The following SETX variants were observed in gnomAD, a reference collection of about 807,000 sequenced individuals.
The protein encoded by SETX is senataxin.
Under a neutral mutation model 227.2 loss-of-function variants are expected in SETX, and 90 were observed. That is an observed-to-expected ratio of 0.40 (90% CI 0.33 to 0.47). The LOEUF (loss-of-function observed/expected upper bound fraction) is 0.47, where lower values mean the gene tolerates loss of function less well. Ranked by LOEUF, SETX falls within the 20% of genes least tolerant of loss-of-function variation. The pLI, the probability that SETX is intolerant of heterozygous loss-of-function variation, is 0.91. For missense variants in SETX, 3,052 were observed against 3,181.5 expected, an observed-to-expected ratio of 0.96 and a Z score of 0.98; for synonymous variants, 1,210 against 1,113.2, an observed-to-expected ratio of 1.09 and a Z score of -1.73.
chr9:132,330,931 C>A, intron 9 of SETX, 121 bp downstream of exon 9: 1 of 789,880 alleles, frequency 1.3e-6, no homozygotes, highest in Non-Finnish European at 2.2e-6. Flanking sequence ...AGGGCTTTTA[C>A]ATAGCAGTAG....
At position 132,336,153 on chromosome 9, in the gene SETX, G is replaced by A. The variant is rs536091240; in HGVS notation, c.718+143C>T. ...AGCTACTCGGGAGGCTAAGGCAGGA[G>A]AATTGCTTGAACCTGGGAGGTGGAG... On this transcript the variant is annotated intron_variant, in intron 6 of 25. Coordinates refer to ENST00000224140, the MANE Select transcript of SETX (RefSeq NM_015046.7). 568 of 702,648 alleles carry A rather than the reference G, an allele frequency of 8.1e-4. 3 individuals are homozygous for A. The African/African-American group carries it at 8.9e-3, about 11-fold the overall frequency. 43.5% of individuals were successfully genotyped at this position (702,648 alleles called of 1,614,324 possible). A position where few individuals can be genotyped will look rare whatever the true frequency, so the allele number is the denominator to read the frequency against.
chr9:132,315,482 C>T (rs933217916), intron 10 of SETX, among the ~76,000 whole-genome samples: 4 of 152,188 alleles, frequency 2.6e-5, no homozygotes, highest in African/African-American at 9.7e-5. Flanking sequence ...GCATCAATTT[C>T]TTCCTGCCCA....
intron 12 of SETX, among the ~76,000 whole-genome samples, chr9:132,298,625 A>C (rs1404124965): frequency 3.9e-5 from 6 of 152,178 alleles, no homozygotes; most frequent in African/African-American, 7.2e-5. Flanking sequence ...CTTCCTGATG[A>C]AATATTTGAG....
chr9:132,264,418 G>C lies in SETX; in HGVS notation c.7855C>G (p.Gln2619Glu). ...TCTTCCGGGTCATCACATTTGCTCTGACACGTGGAAGCCTCGGGACTGGCA... is the reference window on the plus strand; with the variant it reads ...TCTTCCGGGTCATCACATTTGCTCTCACACGTGGAAGCCTCGGGACTGGCA... ...PAASPEASTCQSKCDDPEEEL... is the reference protein window; with the variant it reads ...PAASPEASTCESKCDDPEEEL... The change falls in exon 26 of 26, where the codon CAG becomes GAG. Residue 2619 changes from glutamine (Q) to glutamate (E), a missense_variant. By Grantham distance (29) the Gln-to-Glu change is conservative. Coordinates refer to ENST00000224140, the MANE Select transcript of SETX (RefSeq NM_015046.7). 1 of 1,614,050 alleles carries C rather than the reference G, an allele frequency of 6.2e-7. No homozygotes were observed. Among genetic ancestry groups the C allele is most frequent in the Non-Finnish European group, 8.5e-7 (1 of 1,180,006 alleles).
At chr9:132,283,217 A>C in intron 19 of SETX, 47 bp downstream of exon 19, 1 of 1,611,796 alleles carries the variant, frequency 6.2e-7, no homozygotes, top group Non-Finnish European at 8.5e-7. Flanking sequence ...TCTAAGACTT[A>C]CTCCTCATAG....
chr9:132,326,432 A>T lies in SETX; in HGVS notation c.5166T>A (p.Pro1722=), dbSNP rs1233095193. 6.2e-7 allele frequency: 1 copy of T among 1,614,130 alleles called. No homozygotes were observed. Among genetic ancestry groups the T allele is most frequent in the East Asian group, 2.2e-5 (1 of 44,888 alleles). Residue 1722 remains proline, a synonymous_variant, in exon 10 of 26, where the codon CCT becomes CCA. Coordinates refer to ENST00000224140, the MANE Select transcript of SETX (RefSeq NM_015046.7). ...MFLNFGQCGP[P]ASLCQSISRP... is the part of the protein sequence containing the mutation. ...TTGAGATGGACTGACAAAGACTTGC[A>T]GGGGGCCCACACTGACCAAAGTTCA... is the stretch of plus-strand genomic sequence containing the variant.
At chr9:132,296,571 A>C (rs1844682549) in intron 14 of SETX, among the ~76,000 whole-genome samples, 1 of 151,976 alleles carries the variant, frequency 6.6e-6, no homozygotes, top group African/African-American at 2.4e-5. Flanking sequence ...AAAAAAAAAA[A>C]ACAAAAAACC....
chr9:132,272,375 C>G (rs1433898834), intron 23 of SETX, among the ~76,000 whole-genome samples: 1 of 152,076 alleles, frequency 6.6e-6, no homozygotes, highest in Non-Finnish European at 1.5e-5. Context: ...TCTCAAACCC[C>G]TGGCCCCAAG....
intron 10 of SETX, among the ~76,000 whole-genome samples, chr9:132,321,773 A>C (rs1204570716): frequency 6.6e-6 from 1 of 151,848 alleles, no homozygotes; most frequent in Non-Finnish European, 1.5e-5. Flanking sequence ...GCTTGAACCC[A>C]AGAGGCAGAG....
rs754950063 is a variant in SETX at position 132,275,248 on chromosome 9, T to C, written c.7100+8A>G. The stretch of plus-strand genomic sequence containing the variant: ...AGAAAATTGGAAATATTTATAAAAA[T>C]GCCTCACCCTTTTCTATCGAACTCT... On this transcript the variant is annotated splice_region_variant and intron_variant, in intron 23 of 25. Coordinates refer to ENST00000224140, the MANE Select transcript of SETX (RefSeq NM_015046.7). 2 of 1,613,406 alleles carry C rather than the reference T, an allele frequency of 1.2e-6. No individual in the cohort carries two copies. The highest frequency in any genetic ancestry group is 2.2e-5 in the East Asian group (1 of 44,854).
chr9:132,341,035 C>T (rs1847925830), intron 5 of SETX, among the ~76,000 whole-genome samples: 1 of 152,050 alleles, frequency 6.6e-6, no homozygotes, highest in African/African-American at 2.4e-5. Context: ...TCCCCATCTC[C>T]CACATTCACC....
chr9:132,351,619 C>G (rs1848608356), intron 2 of SETX, among the ~76,000 whole-genome samples: 1 of 152,136 alleles, frequency 6.6e-6, no homozygotes, highest in East Asian at 1.9e-4. Context: ...TTCCATGGTT[C>G]TTCTTCAAAA....
chr9:132,347,028 G>A (rs912282130), intron 3 of SETX, among the ~76,000 whole-genome samples: 11 of 152,088 alleles, frequency 7.2e-5, no homozygotes, highest in Admixed American at 5.9e-4. Flanking sequence ...GCTGAGGTGG[G>A]CGGATCACCT....
chr9:132,335,202 A>G (rs961784640), intron 6 of SETX, among the ~76,000 whole-genome samples: 16 of 151,744 alleles, frequency 1.1e-4, no homozygotes, highest in East Asian at 3.9e-4. Context: ...CATCCTGGCT[A>G]ACATGGTGAA....
At chr9:132,282,394 T>C (rs1179802302) in intron 19 of SETX, among the ~76,000 whole-genome samples, 2 of 151,206 alleles carry the variant, frequency 1.3e-5, no homozygotes, top group African/African-American at 4.9e-5. Flanking sequence ...GCTCAAGCAA[T>C]CCTCCCACCT....
chr9:132,286,374 A>C (rs1203769142), intron 18 of SETX, 49 bp downstream of exon 18: 1 of 1,385,020 alleles, frequency 7.2e-7, no homozygotes, highest in Non-Finnish European at 1.0e-6. Flanking sequence ...CTTAAATTTT[A>C]AAAAGAAAAA....
intron 10 of SETX, among the ~76,000 whole-genome samples, chr9:132,321,103 C>T (rs1391192997): frequency 5.9e-5 from 9 of 152,198 alleles, no homozygotes; most frequent in African/African-American, 1.9e-4. Flanking sequence ...ACCTCTCCTC[C>T]GTCCCCCACT....
At chr9:132,313,548 C>T (rs10793918) in intron 10 of SETX, among the ~76,000 whole-genome samples, 48,286 of 152,008 alleles carry the variant, frequency 0.32, 11,049 homozygotes, top group East Asian at 0.68. Flanking sequence ...TCCTAATTAA[C>T]ATATACTCAA....
At position 132,264,093 on chromosome 9, in the gene SETX, G is replaced by A; in HGVS notation, c.*146C>T. 2.7e-6 allele frequency: 3 copies of A among 1,104,546 alleles called. No homozygotes were observed. The highest frequency in any genetic ancestry group is 2.4e-5 in the East Asian group (1 of 41,878). The allele number at this position is 1,104,546 out of a possible 1,614,324, so 68.4% of individuals were successfully genotyped here. A position where few individuals can be genotyped will look rare whatever the true frequency, so the allele number is the denominator to read the frequency against. On this transcript the variant is annotated 3_prime_UTR_variant, in exon 26 of 26. Coordinates refer to ENST00000224140, the MANE Select transcript of SETX (RefSeq NM_015046.7). ...ACAGAAAATACTGAAGATGACCAGA[G>A]GCTCAGGTGTTAAGGATGCATTTTC...
Sources: gnomAD v4.1 joint callset for allele counts (sites outside exome capture counted in the v4.1 genomes callset) on GRCh38, gnomAD v4.1.1 for gene constraint, MANE v1.5 for transcripts, NCBI Gene and HGNC (gene_info 2026-07-23, HGNC 2026-07-21) for gene names.